Variants in SLC35F1 observed in about 807,000 individuals in gnomAD.
The protein encoded by SLC35F1 is solute carrier family 35 member F1, also known as chromosome 6 open reading frame 169.
In SLC35F1, 14 loss-of-function variants were observed where a neutral mutation model predicts 48.7. That is an observed-to-expected ratio of 0.29 (90% CI 0.19 to 0.45). SLC35F1 has a LOEUF of 0.45. SLC35F1 is among the 20% of genes least tolerant of loss of function. The pLI is 1.00. For missense variants in SLC35F1, 404 were observed against 500.0 expected (o/e 0.81, Z 1.83); for synonymous variants, 190 against 202.2 (o/e 0.94, Z 0.51).
intron 1 of SLC35F1, among the ~76,000 whole-genome samples, chr6:118,149,120 A>C (rs1333580180): frequency 3.9e-5 from 6 of 152,202 alleles, no homozygotes; most frequent in Non-Finnish European, 5.9e-5. Flanking sequence ...TCAGGAGCTT[A>C]TGAGCTACAC....
At chr6:117,918,827 G>T (rs1177598646) in intron 1 of SLC35F1, among the ~76,000 whole-genome samples, 1 of 152,106 alleles carries the variant, frequency 6.6e-6, no homozygotes, top group Admixed American at 6.5e-5. Flanking sequence ...GGCTCAGTAG[G>T]ACTTGGGTCC....
chr6:118,175,791 A>T (rs1020833539), intron 2 of SLC35F1, among the ~76,000 whole-genome samples: 1 of 152,152 alleles, frequency 6.6e-6, no homozygotes, highest in Non-Finnish European at 1.5e-5. Context: ...AGGTCAGAAG[A>T]GGAGGCTTAG....
At chr6:117,982,382 T>C (rs1419915649) in intron 1 of SLC35F1, among the ~76,000 whole-genome samples, 1 of 152,220 alleles carries the variant, frequency 6.6e-6, no homozygotes, top group Non-Finnish European at 1.5e-5. Flanking sequence ...TGACTAGCAT[T>C]GAAGCCTTTA....
intron 1 of SLC35F1, among the ~76,000 whole-genome samples, chr6:118,112,957 A>G (rs1332848655): frequency 6.6e-6 from 1 of 152,216 alleles, no homozygotes; most frequent in Non-Finnish European, 1.5e-5. Flanking sequence ...AACTAGTCCC[A>G]TCTACAAGAA....
intron 3 of SLC35F1, among the ~76,000 whole-genome samples, chr6:118,253,954 T>C (rs1054236194): frequency 1.3e-5 from 2 of 151,788 alleles, no homozygotes; most frequent in Non-Finnish European, 2.9e-5. Context: ...AGGACTTGTA[T>C]GGTGAAGGAA....
intron 1 of SLC35F1, among the ~76,000 whole-genome samples, chr6:118,112,195 C>T (rs1773417470): frequency 6.6e-6 from 1 of 151,264 alleles, no homozygotes; most frequent in Non-Finnish European, 1.5e-5. Flanking sequence ...GTGGCACGAT[C>T]TCGGCTCACT....
intron 1 of SLC35F1, 122 bp downstream of exon 1, chr6:117,908,021 T>A: frequency 1.0e-6 from 1 of 973,898 alleles, no homozygotes; most frequent in Non-Finnish European, 1.3e-6. Context: ...CGGAGGAGAC[T>A]GAGGAGATCG....
chr6:118,284,026 A>T (rs1562350412), intron 6 of SLC35F1, among the ~76,000 whole-genome samples: 1 of 152,132 alleles, frequency 6.6e-6, no homozygotes, highest in African/African-American at 2.4e-5. Context: ...GTTCAGAATA[A>T]TTTTTTTGTA....
chr6:118,000,987 G>C (rs1232841243), intron 1 of SLC35F1, among the ~76,000 whole-genome samples: 1 of 151,936 alleles, frequency 6.6e-6, no homozygotes, highest in Non-Finnish European at 1.5e-5. Flanking sequence ...ATGCTCATCG[G>C]TAGGAAGAAT....
intron 6 of SLC35F1, 128 bp from the exon 7 acceptor site, chr6:118,285,056 A>G (rs1776032832): frequency 1.1e-6 from 1 of 897,444 alleles, no homozygotes; most frequent in Non-Finnish European, 1.7e-6. Flanking sequence ...ATCAGTGAAT[A>G]GGGGAAAAGA....
In SLC35F1 at chr6:118,132,322, C is replaced by T. The variant is rs140812974; in HGVS notation, c.174-22123C>T. Among the ~76,000 whole-genome samples the T allele has an allele frequency of 2.3e-4, 35 of 152,332 alleles. No homozygotes were observed. The East Asian group carries it at 6.8e-3, about 29-fold the overall frequency. ...AGCAGTGCAATGCATGTTTGGCACA[C>T]TCGTGTGCCTTTAGGTGGTATGTGT... On this transcript the variant is annotated intron_variant, in intron 1 of 7. Transcript: ENST00000360388.
chr6:117,908,204 G>A (rs894985550), intron 1 of SLC35F1, among the ~76,000 whole-genome samples: 2 of 152,136 alleles, frequency 1.3e-5, no homozygotes, highest in African/African-American at 4.8e-5. Context: ...CCATACGCGT[G>A]CCGCCTCACT....
chr6:117,930,098 A>T (rs887351314), intron 1 of SLC35F1, among the ~76,000 whole-genome samples: 1 of 152,230 alleles, frequency 6.6e-6, no homozygotes, highest in Non-Finnish European at 1.5e-5. Context: ...CCATGCTCTT[A>T]CATAGCTTTC....
At chr6:117,919,646 G>C (rs1323643369) in intron 1 of SLC35F1, among the ~76,000 whole-genome samples, 2 of 152,098 alleles carry the variant, frequency 1.3e-5, no homozygotes, top group African/African-American at 4.8e-5. Context: ...AGGACACTAG[G>C]CTGTTTACTT....
intron 1 of SLC35F1, among the ~76,000 whole-genome samples, chr6:117,926,287 C>T (rs1776026343): frequency 6.6e-6 from 1 of 152,148 alleles, no homozygotes; most frequent in Non-Finnish European, 1.5e-5. Flanking sequence ...CTCATTCTCT[C>T]TCCTGCTGCC....
chr6:117,907,911 C>A lies in SLC35F1; in HGVS notation c.173+12C>A. On this transcript the variant is annotated intron_variant, in intron 1 of 7. Transcript: ENST00000360388. ...AAAGTGCTGAACAGGTGAGCGGCGG[C>A]GCCGGGCGAGGGCGCGGGGGGCGGG... is the stretch of plus-strand genomic sequence containing the variant. The A allele has an allele frequency of 7.6e-7, 1 of 1,320,774 alleles. No individual in the cohort carries two copies. The allele number at this position is 1,320,774 out of a possible 1,614,324, so 81.8% of individuals were successfully genotyped here.
chr6:118,050,277 AGTGGGTGCAGCACACCAAC>A (rs1772369049), intron 1 of SLC35F1, among the ~76,000 whole-genome samples: 2 of 151,952 alleles, frequency 1.3e-5, no homozygotes, highest in African/African-American at 4.8e-5. Flanking sequence ...ATGACAAGTT[AGTGGGTGCAGCACACCAAC>A]ATGGCACATG....
rs1318268819 is a variant in SLC35F1, at chr6:117,907,889, G to C, written c.163G>C (p.Val55Leu). The C allele has an allele frequency of 1.3e-5, 19 of 1,443,382 alleles. No homozygotes were observed. The highest frequency in any genetic ancestry group is 1.4e-5 in the Non-Finnish European group (16 of 1,106,422). 89.4% of individuals were successfully genotyped at this position (1,443,382 alleles called of 1,614,324 possible). Residue 55 changes from valine (V) to leucine (L), a missense_variant, in exon 1 of 8, where the codon GTG (valine) becomes CTG (leucine). Coordinates refer to ENST00000360388, the MANE Select transcript of SLC35F1 (RefSeq NM_001029858.4). ...RAGVRQRIRK[V>L]LNREMLISVA... ...TGGCGTGCGCCAGAGGATCCGCAAAGTGCTGAACAGGTGAGCGGCGGCGCC... is the reference window on the plus strand; with the variant it reads ...TGGCGTGCGCCAGAGGATCCGCAAACTGCTGAACAGGTGAGCGGCGGCGCC...
chr6:118,058,801 C>G (rs1008155599), intron 1 of SLC35F1, among the ~76,000 whole-genome samples: 2 of 152,092 alleles, frequency 1.3e-5, no homozygotes, highest in Non-Finnish European at 2.9e-5. Context: ...AGTCTCAGTG[C>G]AATGAAAATA....
Sources: gnomAD v4.1 joint callset for allele counts (sites outside exome capture counted in the v4.1 genomes callset) on GRCh38, gnomAD v4.1.1 for gene constraint, MANE v1.5 for transcripts, NCBI Gene and HGNC (gene_info 2026-07-23, HGNC 2026-07-21) for gene names.